Variants in NOL4 observed in about 807,000 individuals in gnomAD.
NOL4 encodes the protein nucleolar protein 4.
A neutral mutation model predicts 75.9 loss-of-function variants in NOL4; 17 were observed. The observed-to-expected ratio is 0.22, with a 90% CI of 0.15 to 0.34. The LOEUF is 0.34. Among genes scored for constraint, NOL4 ranks in the 10% least tolerant of loss-of-function variants. The probability of loss-of-function intolerance (pLI) is 1.00; values close to 1 mark genes in which losing one functional copy is unlikely to be tolerated. For missense variants in NOL4, 614 were observed against 793.5 expected, an observed-to-expected ratio of 0.77 and a Z score of 2.72; for synonymous variants, 292 against 289.9, an observed-to-expected ratio of 1.01 and a Z score of -0.07.
intron 2 of NOL4, among the ~76,000 whole-genome samples, chr18:34,113,047 A>G (rs1481471048): frequency 6.6e-6 from 1 of 152,094 alleles, no homozygotes; most frequent in Non-Finnish European, 1.5e-5. Flanking sequence ...CTCACTGTAG[A>G]CTCAAAGTCC....
At chr18:33,906,040 T>C (rs1450402210) in intron 9 of NOL4, among the ~76,000 whole-genome samples, 1 of 152,230 alleles carries the variant, frequency 6.6e-6, no homozygotes, top group Non-Finnish European at 1.5e-5. Flanking sequence ...TTTGTGGTGA[T>C]ATCTTTTAGG....
At chr18:34,131,085 C>CA (rs2080629546) in intron 1 of NOL4, among the ~76,000 whole-genome samples, 1 of 151,086 alleles carries the variant, frequency 6.6e-6, no homozygotes, top group African/African-American at 2.4e-5. Flanking sequence ...CACACACACA[C>CA]ACACACACAC....
chr18:34,003,532 T>C (rs2073857601), intron 6 of NOL4, among the ~76,000 whole-genome samples: 1 of 152,118 alleles, frequency 6.6e-6, no homozygotes, highest in South Asian at 2.1e-4. Context: ...CAACCACATA[T>C]TTCCTGCTGC....
At chr18:34,216,851 G>A (rs1015142628) in intron 1 of NOL4, among the ~76,000 whole-genome samples, 6 of 151,868 alleles carry the variant, frequency 4.0e-5, no homozygotes, top group African/African-American at 1.4e-4. Flanking sequence ...ATATCTTTGA[G>A]AAGAAACATT....
intron 5 of NOL4, among the ~76,000 whole-genome samples, chr18:34,063,625 C>G (rs192976241): frequency 6.6e-6 from 1 of 152,074 alleles, no homozygotes; most frequent in East Asian, 1.9e-4. Context: ...TCTGAGCTTT[C>G]CTATCTGTTA....
At chr18:34,061,591 T>G (rs1013222678) in intron 5 of NOL4, among the ~76,000 whole-genome samples, 1 of 152,158 alleles carries the variant, frequency 6.6e-6, no homozygotes, top group African/African-American at 2.4e-5. Context: ...TGAATGACAC[T>G]ACTGTGTTGA....
intron 10 of NOL4, among the ~76,000 whole-genome samples, chr18:33,878,483 C>A (rs748701392): frequency 5.3e-5 from 8 of 152,052 alleles, no homozygotes; most frequent in Non-Finnish European, 1.0e-4. Context: ...TAGGTTAATT[C>A]TCTACAGTCA....
intron 6 of NOL4, among the ~76,000 whole-genome samples, chr18:34,009,623 T>C (rs1449511144): frequency 6.6e-6 from 1 of 151,878 alleles, no homozygotes; most frequent in East Asian, 1.9e-4. Flanking sequence ...GCTCAAAAGA[T>C]AGAGACTTGT....
At chr18:33,916,580 TAA>T (rs1417196654) in intron 9 of NOL4, among the ~76,000 whole-genome samples, 1 of 152,102 alleles carries the variant, frequency 6.6e-6, no homozygotes, top group African/African-American at 2.4e-5. Context: ...ATGGCAAAAA[TAA>T]AAAGAGAAGT....
chr18:34,087,537 A>C (rs2078297414), intron 5 of NOL4, among the ~76,000 whole-genome samples: 1 of 152,106 alleles, frequency 6.6e-6, no homozygotes. Context: ...ATCAGTTCAA[A>C]TCAAGGAAGT....
intron 5 of NOL4, among the ~76,000 whole-genome samples, chr18:34,020,998 T>C (rs1162549379): frequency 6.6e-6 from 1 of 152,184 alleles, no homozygotes; most frequent in Non-Finnish European, 1.5e-5. Context: ...TTTTGAGGGA[T>C]GTAATGAAAT....
At chr18:33,923,700 C>A (rs2067167275) in intron 9 of NOL4, among the ~76,000 whole-genome samples, 2 of 152,044 alleles carry the variant, frequency 1.3e-5, no homozygotes, top group African/African-American at 4.8e-5. Context: ...TTATACATCA[C>A]TTCAAATCGT....
intron 6 of NOL4, among the ~76,000 whole-genome samples, chr18:34,013,912 T>C (rs939447848): frequency 1.3e-5 from 2 of 151,916 alleles, no homozygotes; most frequent in African/African-American, 4.8e-5. Context: ...ATGTTGTTGC[T>C]TCTACCCTAA....
At chr18:34,064,445 G>A (rs1201500423) in intron 5 of NOL4, among the ~76,000 whole-genome samples, 2 of 151,906 alleles carry the variant, frequency 1.3e-5, no homozygotes, top group Non-Finnish European at 2.9e-5. Flanking sequence ...CTTGGGCCCT[G>A]TACCCTCCAT....
intron 9 of NOL4, among the ~76,000 whole-genome samples, chr18:33,924,731 A>C (rs1271987219): frequency 6.6e-6 from 1 of 152,212 alleles, no homozygotes; most frequent in Non-Finnish European, 1.5e-5. Flanking sequence ...TTACAATGTT[A>C]GCGGGGAATA....
intron 10 of NOL4, among the ~76,000 whole-genome samples, chr18:33,870,536 CATGAAGA>C (rs1389589912): frequency 6.6e-6 from 1 of 151,640 alleles, no homozygotes; most frequent in Non-Finnish European, 1.5e-5. Context: ...CAGAGTGGTG[CATGAAGA>C]ATGGCTTTTA....
chr18:33,886,904 A>G, intron 9 of NOL4, among the ~76,000 whole-genome samples: 1 of 135,322 alleles, frequency 7.4e-6, no homozygotes, highest in South Asian at 2.2e-4. Flanking sequence ...TATTATATCT[A>G]GATATATCTA....
intron 5 of NOL4, among the ~76,000 whole-genome samples, chr18:34,027,936 G>T (rs1291529181): frequency 6.6e-6 from 1 of 152,046 alleles, no homozygotes; most frequent in Non-Finnish European, 1.5e-5. Flanking sequence ...TATAGTAGTG[G>T]TATATATATT....
chr18:33,963,162 T>C (rs1450393561), intron 6 of NOL4, among the ~76,000 whole-genome samples: 1 of 152,202 alleles, frequency 6.6e-6, no homozygotes, highest in African/African-American at 2.4e-5. Context: ...AGTTACTTAA[T>C]TTGACACAGA....
Sources: gnomAD v4.1 joint callset for allele counts (sites outside exome capture counted in the v4.1 genomes callset) on GRCh38, gnomAD v4.1.1 for gene constraint, MANE v1.5 for transcripts, NCBI Gene and HGNC (gene_info 2026-07-23, HGNC 2026-07-21) for gene names.